The following SNAP47 variants were observed in gnomAD, a reference collection of about 807,000 sequenced individuals.
The protein encoded by SNAP47 is synaptosomal-associated protein 47.
SNAP47 carries 20 observed loss-of-function variants against 31.4 expected under a neutral mutation model. That is an observed-to-expected ratio of 0.64 (90% confidence interval 0.45 to 0.93). The LOEUF (loss-of-function observed/expected upper bound fraction) is 0.93. Ranked by LOEUF, SNAP47 falls within the 40% of genes least tolerant of loss-of-function variation. The pLI, the probability that SNAP47 is intolerant of heterozygous loss-of-function variation, is 0.00. For synonymous variants in SNAP47, 194 were observed against 213.4 expected (o/e 0.91, Z 0.79); for missense variants, 492 against 528.5 (o/e 0.93, Z 0.68).
chr1:227,771,543 G>A (rs1462594218), intron 4 of SNAP47, among the ~76,000 whole-genome samples: 1 of 152,180 alleles, frequency 6.6e-6, no homozygotes, highest in Non-Finnish European at 1.5e-5. Context: ...TATGGCAGCT[G>A]AGTGGAGGCG....
intron 1 of SNAP47, among the ~76,000 whole-genome samples, chr1:227,735,992 A>G (rs1456024649): frequency 2.9e-5 from 4 of 138,362 alleles, no homozygotes; most frequent in Non-Finnish European, 4.7e-5. Flanking sequence ...CACTTGGAGG[A>G]GATGGGGACA....
chr1:227,767,650 TGTG>T (rs1486955999), intron 4 of SNAP47, among the ~76,000 whole-genome samples: 1 of 151,690 alleles, frequency 6.6e-6, no homozygotes, highest in African/African-American at 2.4e-5. Context: ...ATGTGTACCT[TGTG>T]TGTACTGTGC....
intron 2 of SNAP47, among the ~76,000 whole-genome samples, chr1:227,757,503 T>C (rs1662770664): frequency 6.6e-6 from 1 of 152,262 alleles, no homozygotes; most frequent in African/African-American, 2.4e-5. Flanking sequence ...CCTTTTGTTT[T>C]AATTTGGATA....
upstream of SNAP47, chr1:227,734,118 C>T (rs1660883893): frequency 7.5e-6 from 11 of 1,470,640 alleles, 1 homozygote; most frequent in Non-Finnish European, 1.0e-5. Flanking sequence ...TGAGACCAAT[C>T]GGCTCCAGTG....
chr1:227,733,355 G>A (rs1660800819), upstream of SNAP47: 7 of 1,518,044 alleles, frequency 4.6e-6, no homozygotes, highest in East Asian at 7.0e-5. Flanking sequence ...TGGGGAGGTG[G>A]TGCTGCCGTC....
At chr1:227,739,083 G>A (rs571872913) in intron 1 of SNAP47, among the ~76,000 whole-genome samples, 13 of 152,274 alleles carry the variant, frequency 8.5e-5, no homozygotes, top group African/African-American at 9.6e-5. Context: ...CCCAGAGCCC[G>A]CTAGATCAGC....
chr1:227,772,406 G>C (rs1572049886), intron 4 of SNAP47, among the ~76,000 whole-genome samples: 1 of 151,416 alleles, frequency 6.6e-6, no homozygotes, highest in African/African-American at 2.4e-5. Flanking sequence ...CTTACAGCAG[G>C]GGAGTCACGC....
At chr1:227,755,264 C>T (rs147368293) in intron 2 of SNAP47, among the ~76,000 whole-genome samples, 1,559 of 152,262 alleles carry the variant, frequency 0.01, 18 homozygotes, top group African/African-American at 0.032. Context: ...AGTGCAGTGG[C>T]GCGATCACAG....
intron 2 of SNAP47, among the ~76,000 whole-genome samples, chr1:227,756,595 G>A (rs1031213332): frequency 3.9e-5 from 6 of 152,250 alleles, no homozygotes; most frequent in Non-Finnish European, 8.8e-5. Context: ...CCTCAGCAGT[G>A]CCCCGATGGT....
chr1:227,733,487 G>A (rs959492544), upstream of SNAP47: 8 of 1,595,148 alleles, frequency 5.0e-6, no homozygotes, highest in Admixed American at 1.8e-5. Context: ...GATCTCCAAG[G>A]GTGGGCCAGC....
At chr1:227,767,316 C>T (rs1453032706) in intron 4 of SNAP47, among the ~76,000 whole-genome samples, 3 of 152,222 alleles carry the variant, frequency 2.0e-5, no homozygotes, top group South Asian at 2.1e-4. Flanking sequence ...CAGACACATT[C>T]CTATGCACAC....
chr1:227,730,819 CCCT>C (rs1660592281), upstream of SNAP47: 1 of 152,344 alleles, frequency 6.6e-6, no homozygotes, highest in South Asian at 2.1e-4. Flanking sequence ...CACAGTGCTG[CCCT>C]CATCATGACA....
intron 1 of SNAP47, among the ~76,000 whole-genome samples, chr1:227,744,443 T>C (rs1334736160): frequency 2.0e-5 from 3 of 152,230 alleles, no homozygotes; most frequent in Non-Finnish European, 4.4e-5. Flanking sequence ...CACATCAGCG[T>C]AGAAGTTAAA....
chr1:227,768,353 C>CT, intron 4 of SNAP47: 1 of 985,358 alleles, frequency 1.0e-6, no homozygotes, highest in African/African-American at 1.7e-5. Context: ...CCCTGAGCCT[C>CT]TGAGTCGGCA....
chr1:227,766,894 C>CA, intron 3 of SNAP47, 65 bp from the exon 4 acceptor site: 1 of 1,599,216 alleles, frequency 6.3e-7, no homozygotes, highest in East Asian at 2.2e-5. Context: ...CTCTGCCATC[C>CA]AGAGCACACG....
chr1:227,759,659 T>C lies in SNAP47; in HGVS notation c.988+174T>C, dbSNP rs895541043. The C allele has an allele frequency of 2.5e-5, 19 of 765,968 alleles. No homozygotes were observed. The Admixed American group carries it at 5.2e-4, about 21-fold the overall frequency. The allele number at this position is 765,968 out of a possible 1,614,324, so 47.4% of individuals were successfully genotyped here. On this transcript the variant is annotated intron_variant, in intron 3 of 4. Transcript: ENST00000617596. The stretch of plus-strand genomic sequence containing the variant: ...TAAAAACAATTCCAGACCATTTTCC[T>C]TGTACTTGACATCTGTGAATCTGAA...
Position 227,766,976 on chromosome 1 carries a change from C to A in SNAP47, c.1006C>A (p.Arg336Ser). Reference sequence around the variant, plus strand: ...CCTTGCAGCATCTGGGCTGATGGGCCGTACCCTGCACCGTGAGCCACCCGC... The same window carrying A: ...CCTTGCAGCATCTGGGCTGATGGGCAGTACCCTGCACCGTGAGCCACCCGC... ...VWHAASGLMG[R>S]TLHREPPAGD... Residue 336 changes from arginine to serine, a missense_variant, in exon 4 of 5, where the codon CGT becomes AGT. Physicochemically the swap from Arg to Ser is moderately radical, Grantham distance 110. Transcript: ENST00000617596. The A allele has an allele frequency of 6.2e-7, 1 of 1,613,802 alleles. No homozygotes were observed.
chr1:227,737,929 T>A (rs190802039), intron 1 of SNAP47, among the ~76,000 whole-genome samples: 2 of 152,332 alleles, frequency 1.3e-5, no homozygotes, highest in East Asian at 3.9e-4. Flanking sequence ...AGAATCAGAA[T>A]GTCTGGAGAA....
upstream of SNAP47, chr1:227,734,127 T>C: frequency 1.4e-6 from 2 of 1,416,846 alleles, no homozygotes; most frequent in South Asian, 1.3e-5. Context: ...TCGGCTCCAG[T>C]GGAGCTTCCA....
Sources: allele counts gnomAD v4.1 joint callset (sites outside exome capture counted in the v4.1 genomes callset), GRCh38; gene constraint gnomAD v4.1.1; transcripts MANE v1.5; gene names NCBI Gene and HGNC (gene_info 2026-07-23, HGNC 2026-07-21).